LRRC4C: variants seen among roughly 807,000 people sequenced by gnomAD.
LRRC4C encodes leucine rich repeat containing 4C.
LRRC4C carries 5 observed loss-of-function variants against 33.6 expected under a neutral mutation model. The ratio of observed to expected loss-of-function variants is 0.15; its 90% CI spans 0.08 to 0.31. The LOEUF (loss-of-function observed/expected upper bound fraction) is 0.31. Among genes scored for constraint, LRRC4C ranks in the 10% least tolerant of loss-of-function variants. LRRC4C has a pLI of 1.00. For synonymous variants in LRRC4C, 329 were observed against 302.0 expected, an observed-to-expected ratio of 1.09 and a Z score of -0.93; for missense variants, 560 against 796.7, an observed-to-expected ratio of 0.70 and a Z score of 3.58.
intron 1 of LRRC4C, among the ~76,000 whole-genome samples, chr11:41,270,073 T>A (rs552862856): frequency 6.6e-5 from 10 of 152,230 alleles, no homozygotes; most frequent in African/African-American, 2.4e-4. Context: ...GTAATATCTA[T>A]TTTTACAGAA....
chr11:40,550,048 A>G (rs1161233423), intron 3 of LRRC4C, among the ~76,000 whole-genome samples: 1 of 152,124 alleles, frequency 6.6e-6, no homozygotes, highest in African/African-American at 2.4e-5. Context: ...ATGTCTCCCT[A>G]AGACACCTAG....
intron 2 of LRRC4C, among the ~76,000 whole-genome samples, chr11:40,892,110 G>T (rs1420186268): frequency 6.7e-6 from 1 of 148,546 alleles, no homozygotes; most frequent in African/African-American, 2.5e-5. Flanking sequence ...ACTCCAGCCT[G>T]GGCGACAGTG....
chr11:40,870,397 C>T (rs1047786902), intron 2 of LRRC4C, among the ~76,000 whole-genome samples: 3 of 151,960 alleles, frequency 2.0e-5, no homozygotes, highest in Non-Finnish European at 4.4e-5. Context: ...ATTTTATATT[C>T]CCTTGGGGAT....
At chr11:40,529,128 C>T (rs1344385212) in intron 3 of LRRC4C, among the ~76,000 whole-genome samples, 4 of 152,078 alleles carry the variant, frequency 2.6e-5, no homozygotes, top group Admixed American at 1.3e-4. Context: ...GTGTGTTATA[C>T]ACTTAGAAAT....
At chr11:40,851,338 A>G (rs1355558642) in intron 2 of LRRC4C, among the ~76,000 whole-genome samples, 1 of 152,062 alleles carries the variant, frequency 6.6e-6, no homozygotes, top group Non-Finnish European at 1.5e-5. Flanking sequence ...TGGGTCAGAG[A>G]GCACTGTCCC....
At chr11:40,892,971 A>G (rs1292297322) in intron 2 of LRRC4C, among the ~76,000 whole-genome samples, 1 of 152,214 alleles carries the variant, frequency 6.6e-6, no homozygotes, top group Admixed American at 6.5e-5. Context: ...AAAAGAAACT[A>G]TCACCCAATC....
At chr11:40,961,135 G>T (rs1233629794) in intron 1 of LRRC4C, among the ~76,000 whole-genome samples, 9 of 151,640 alleles carry the variant, frequency 5.9e-5, no homozygotes, top group Non-Finnish European at 1.5e-5. Flanking sequence ...TTTGGAAAAG[G>T]TTCAGCTGTA....
chr11:40,732,776 C>A (rs1482430401), intron 2 of LRRC4C, among the ~76,000 whole-genome samples: 3 of 152,286 alleles, frequency 2.0e-5, no homozygotes, highest in East Asian at 3.9e-4. Context: ...AAAACCCCAA[C>A]TACCAGGGTT....
intron 2 of LRRC4C, among the ~76,000 whole-genome samples, chr11:40,696,049 G>T (rs1945489310): frequency 6.8e-6 from 1 of 146,584 alleles, no homozygotes; most frequent in Non-Finnish European, 1.5e-5. Flanking sequence ...ATATGTGTGT[G>T]TGTGTGTGTG....
At chr11:41,375,547 T>G (rs2137829130) in intron 1 of LRRC4C, among the ~76,000 whole-genome samples, 1 of 152,304 alleles carries the variant, frequency 6.6e-6, no homozygotes, top group East Asian at 1.9e-4. Context: ...AGTGTGAGTT[T>G]CAGTCATTAT....
chr11:41,063,799 G>T (rs1259804614), intron 1 of LRRC4C, among the ~76,000 whole-genome samples: 3 of 152,224 alleles, frequency 2.0e-5, no homozygotes, highest in African/African-American at 7.2e-5. Context: ...TTAGAGCAGA[G>T]AAATAGCATG....
intron 1 of LRRC4C, among the ~76,000 whole-genome samples, chr11:41,448,160 G>C (rs1352752391): frequency 2.1e-5 from 1 of 48,142 alleles, no homozygotes; most frequent in Non-Finnish European, 5.5e-5. Context: ...TACTTCATCA[G>C]TGTCCACAGT....
At chr11:40,400,579 G>A (rs1037116637) in intron 3 of LRRC4C, among the ~76,000 whole-genome samples, 4 of 152,060 alleles carry the variant, frequency 2.6e-5, no homozygotes, top group South Asian at 2.1e-4. Context: ...CATTTGGGAT[G>A]TATCCTCTAG....
At chr11:40,412,395 A>AT (rs1227378340) in intron 3 of LRRC4C, among the ~76,000 whole-genome samples, 2 of 152,070 alleles carry the variant, frequency 1.3e-5, no homozygotes, top group African/African-American at 4.8e-5. Context: ...CTGGTTTTCC[A>AT]TTTTTTGGTG....
chr11:40,691,497 G>GA (rs1314783140), intron 2 of LRRC4C, among the ~76,000 whole-genome samples: 2 of 151,990 alleles, frequency 1.3e-5, no homozygotes, highest in Non-Finnish European at 1.5e-5. Flanking sequence ...TGAAACTAGA[G>GA]AAAAAATGTA....
chr11:40,162,259 A>C (rs1044804751), intron 5 of LRRC4C, among the ~76,000 whole-genome samples: 3 of 152,104 alleles, frequency 2.0e-5, no homozygotes, highest in African/African-American at 4.8e-5. Flanking sequence ...CTTGACCTTC[A>C]TTAGCTCATA....
chr11:40,274,625 G>A (rs574284783), intron 4 of LRRC4C, among the ~76,000 whole-genome samples: 3 of 152,076 alleles, frequency 2.0e-5, no homozygotes, highest in Non-Finnish European at 2.9e-5. Context: ...CTAGAAAAAT[G>A]TATTTCCATT....
chr11:40,757,167 G>C (rs1011712233), intron 2 of LRRC4C, among the ~76,000 whole-genome samples: 1 of 151,952 alleles, frequency 6.6e-6, no homozygotes, highest in African/African-American at 2.4e-5. Flanking sequence ...TGTTGAGAAT[G>C]AATCTTTTGG....
chr11:40,672,961 T>G (rs376073346), intron 2 of LRRC4C, among the ~76,000 whole-genome samples: 23 of 152,062 alleles, frequency 1.5e-4, no homozygotes, highest in African/African-American at 5.5e-4. Flanking sequence ...TTTTGTGAGG[T>G]CATAGGTGGA....
Sources: gnomAD v4.1 joint callset for allele counts (sites outside exome capture counted in the v4.1 genomes callset) on GRCh38, gnomAD v4.1.1 for gene constraint, MANE v1.5 for transcripts, NCBI Gene and HGNC (gene_info 2026-07-23, HGNC 2026-07-21) for gene names.